Variants in RARB observed in about 807,000 individuals in gnomAD.
The protein encoded by RARB is HBV-activated protein.
RARB carries 17 observed loss-of-function variants against 51.9 expected under a neutral mutation model. The observed-to-expected ratio is 0.33, with a 90% CI of 0.22 to 0.49. The LOEUF (loss-of-function observed/expected upper bound fraction) is 0.49, where lower values mean the gene tolerates loss of function less well. Among genes scored for constraint, RARB ranks in the 20% least tolerant of loss-of-function variants. RARB has a pLI of 0.99. For synonymous variants in RARB, 215 were observed against 195.4 expected, an observed-to-expected ratio of 1.10 and a Z score of -0.84; for missense variants, 369 against 550.8, an observed-to-expected ratio of 0.67 and a Z score of 3.30.
chr3:24,890,194 G>T (rs947317921), intron 2 of RARB, among the ~76,000 whole-genome samples: 1 of 152,146 alleles, frequency 6.6e-6, no homozygotes, highest in Non-Finnish European at 1.5e-5. Context: ...TTTAAAAGTT[G>T]CCTTGCTGGT....
At chr3:25,082,892 C>T (rs1338991171) in intron 3 of RARB, among the ~76,000 whole-genome samples, 1 of 152,006 alleles carries the variant, frequency 6.6e-6, no homozygotes, top group African/African-American at 2.4e-5. Flanking sequence ...ACTCTGAAAA[C>T]TTCTTAATAT....
chr3:25,372,960 AAG>A (rs770988363), intron 5 of RARB, among the ~76,000 whole-genome samples: 2 of 152,208 alleles, frequency 1.3e-5, no homozygotes, highest in Non-Finnish European at 2.9e-5. Flanking sequence ...AGGGAAAGAT[AAG>A]AGTCAAGGTT....
At chr3:25,099,278 C>G (rs911946872) in intron 3 of RARB, among the ~76,000 whole-genome samples, 1 of 152,162 alleles carries the variant, frequency 6.6e-6, no homozygotes, top group Non-Finnish European at 1.5e-5. Context: ...CCGATGTTAA[C>G]TGTCCATCCT....
intron 2 of RARB, among the ~76,000 whole-genome samples, chr3:24,998,314 G>A (rs1471816173): frequency 6.6e-6 from 1 of 150,538 alleles, no homozygotes; most frequent in African/African-American, 2.4e-5. Context: ...TGCACCCTGG[G>A]GCCCTAGGAA....
intron 3 of RARB, among the ~76,000 whole-genome samples, chr3:25,525,910 A>G (rs1193269413): frequency 1.3e-5 from 2 of 152,346 alleles, no homozygotes; most frequent in Non-Finnish European, 2.9e-5. Flanking sequence ...AGAGAACAGC[A>G]GTTGCAAAGC....
intron 2 of RARB, among the ~76,000 whole-genome samples, chr3:24,952,798 C>G (rs1280313458): frequency 6.6e-6 from 1 of 152,052 alleles, no homozygotes; most frequent in Admixed American, 6.6e-5. Context: ...TCCTCAATTT[C>G]CCTAAATTGT....
chr3:25,362,020 C>A (rs1705955602), intron 5 of RARB, among the ~76,000 whole-genome samples: 2 of 152,192 alleles, frequency 1.3e-5, no homozygotes, highest in Non-Finnish European at 2.9e-5. Context: ...GCTGGGAGAT[C>A]CACTGCTCTC....
intron 2 of RARB, among the ~76,000 whole-genome samples, chr3:24,911,449 C>A (rs907785296): frequency 6.6e-6 from 1 of 152,216 alleles, no homozygotes; most frequent in Non-Finnish European, 1.5e-5. Flanking sequence ...GAAACAATTT[C>A]TGTTGCATAT....
At chr3:24,858,198 A>C (rs938812067) in intron 1 of RARB, among the ~76,000 whole-genome samples, 2 of 152,182 alleles carry the variant, frequency 1.3e-5, no homozygotes, top group Non-Finnish European at 2.9e-5. Flanking sequence ...ATTATGTAAA[A>C]AGTGATGAAA....
chr3:25,569,723 A>G (rs755565546), intron 3 of RARB, 35 bp from the exon 4 acceptor site: 9 of 1,597,536 alleles, frequency 5.6e-6, no homozygotes, highest in Non-Finnish European at 1.7e-6. Flanking sequence ...CCCAGCCTTC[A>G]GCGACCCCTG....
chr3:25,404,622 A>C (rs556153602), intron 5 of RARB, among the ~76,000 whole-genome samples: 12 of 152,168 alleles, frequency 7.9e-5, no homozygotes, highest in African/African-American at 2.4e-4. Flanking sequence ...GCTGTTTGCA[A>C]GGTTCTTGGC....
chr3:25,206,292 T>A (rs970782698), intron 5 of RARB, among the ~76,000 whole-genome samples: 4 of 152,236 alleles, frequency 2.6e-5, no homozygotes, highest in African/African-American at 9.6e-5. Context: ...AAATTTGATA[T>A]TTTTAAGGCA....
chr3:25,391,254 TC>T (rs1434509147), intron 5 of RARB, among the ~76,000 whole-genome samples: 1 of 152,164 alleles, frequency 6.6e-6, no homozygotes, highest in East Asian at 1.9e-4. Context: ...TGAGTAGTAT[TC>T]CATGGTATAT....
chr3:25,449,283 C>G (rs79818387), intron 1 of RARB, among the ~76,000 whole-genome samples: 2,140 of 152,114 alleles, frequency 0.014, 55 homozygotes, highest in African/African-American at 0.048. Context: ...CAGCAGGGAA[C>G]ATGCAGAAGG....
intron 5 of RARB, among the ~76,000 whole-genome samples, chr3:25,259,682 A>G (rs574238803): frequency 9.2e-5 from 14 of 152,332 alleles, no homozygotes; most frequent in Non-Finnish European, 1.8e-4. Flanking sequence ...TAACTAATTC[A>G]TACATTTTTA....
chr3:25,574,473 C>T (rs1700841190), intron 4 of RARB, among the ~76,000 whole-genome samples: 1 of 152,194 alleles, frequency 6.6e-6, no homozygotes, highest in Admixed American at 6.5e-5. Flanking sequence ...GCCACATGCC[C>T]AGGTTCTGTA....
chr3:24,851,759 T>A (rs1702563082), intron 1 of RARB, among the ~76,000 whole-genome samples: 1 of 152,242 alleles, frequency 6.6e-6, no homozygotes, highest in African/African-American at 2.4e-5. Flanking sequence ...GTCATAAATA[T>A]CTTGCTGGTT....
intron 2 of RARB, among the ~76,000 whole-genome samples, chr3:24,944,664 C>G (rs942295162): frequency 2.0e-5 from 3 of 152,212 alleles, no homozygotes; most frequent in Middle Eastern, 3.4e-3. Context: ...AAATTTGGGT[C>G]TCTATATATT....
intron 4 of RARB, among the ~76,000 whole-genome samples, chr3:25,146,498 TGTTTGTTTGTTTG>T (rs1700192956): frequency 8.0e-6 from 1 of 125,120 alleles, no homozygotes; most frequent in Non-Finnish European, 1.7e-5. Context: ...CTAAGTTTTT[TGTTTGTTTGTTTG>T]TTTTTTTTTT....
Sources: gnomAD v4.1 joint callset for allele counts (sites outside exome capture counted in the v4.1 genomes callset) on GRCh38, gnomAD v4.1.1 for gene constraint, MANE v1.5 for transcripts, NCBI Gene and HGNC (gene_info 2026-07-23, HGNC 2026-07-21) for gene names.